Variants in GAN observed in about 807,000 individuals in gnomAD.
The protein encoded by GAN is epididymis secretory sperm binding protein.
A neutral mutation model predicts 71.3 loss-of-function variants in GAN; 48 were observed. The observed-to-expected ratio is 0.67, with a 90% CI of 0.53 to 0.86. The LOEUF (loss-of-function observed/expected upper bound fraction) is 0.86. Ranked by LOEUF, GAN falls within the 40% of genes least tolerant of loss-of-function variation. The pLI is 0.00. For missense variants in GAN, 928 were observed against 770.1 expected, an observed-to-expected ratio of 1.21 and a Z score of -2.43; for synonymous variants, 386 against 276.8, an observed-to-expected ratio of 1.39 and a Z score of -3.92.
At chr16:81,375,741 G>A (rs1424631703) in intron 9 of GAN, among the ~76,000 whole-genome samples, 1 of 152,026 alleles carries the variant, frequency 6.6e-6, no homozygotes, top group Non-Finnish European at 1.5e-5. Context: ...CAAGACAGAA[G>A]GATCACTTGA....
At chr16:81,357,772 A>G (rs1202452323) in intron 4 of GAN, 38 bp from the exon 5 acceptor site, 1 of 1,592,056 alleles carries the variant, frequency 6.3e-7, no homozygotes, top group East Asian at 2.2e-5. Flanking sequence ...GAACTGTATG[A>G]AGCACATTAA....
intron 1 of GAN, among the ~76,000 whole-genome samples, chr16:81,340,941 A>C (rs536305732): frequency 6.6e-6 from 1 of 152,058 alleles, no homozygotes; most frequent in East Asian, 1.9e-4. Flanking sequence ...TGTAGAGAAG[A>C]CCTTAAATGA....
chr16:81,351,848 G>T, intron 2 of GAN, 151 bp downstream of exon 2: 1 of 698,664 alleles, frequency 1.4e-6, no homozygotes, highest in Non-Finnish European at 2.6e-6. Context: ...ACTGGTAATG[G>T]CACCCCATGT....
In GAN at chr16:81,381,586, G is replaced by T. The variant is rs1904305323; in HGVS notation, c.*3990G>T. The T allele has an allele frequency of 1.3e-5, 2 of 152,274 alleles. No individual in the cohort carries two copies. The highest frequency in any genetic ancestry group is 4.1e-4 in the South Asian group (2 of 4,824). The allele number at this position is 152,274 out of a possible 1,614,324, so 9.4% of individuals were successfully genotyped here. ...ACACATGTCTGATGAGCACCCACTAGGAACTGTGCTTGCCATCCTGGGAGC... is the reference window on the plus strand; with the variant it reads ...ACACATGTCTGATGAGCACCCACTATGAACTGTGCTTGCCATCCTGGGAGC... On this transcript the variant is annotated 3_prime_UTR_variant, in exon 11 of 11. Transcript: ENST00000648994.
chr16:81,360,133 G>C (rs1168542942), intron 5 of GAN, among the ~76,000 whole-genome samples: 1 of 152,180 alleles, frequency 6.6e-6, no homozygotes. Flanking sequence ...TAGGTAGATA[G>C]TGTTCATTTA....
chr16:81,348,528 C>G (rs1910195825), intron 1 of GAN, among the ~76,000 whole-genome samples: 1 of 152,172 alleles, frequency 6.6e-6, no homozygotes, highest in African/African-American at 2.4e-5. Context: ...AAACATGTTG[C>G]AAGTATGTGA....
chr16:81,332,980 C>T (rs1246338421), intron 1 of GAN, among the ~76,000 whole-genome samples: 1 of 152,080 alleles, frequency 6.6e-6, no homozygotes, highest in Non-Finnish European at 1.5e-5. Flanking sequence ...TGGCTCATGC[C>T]TGTAATCCCA....
intron 5 of GAN, among the ~76,000 whole-genome samples, chr16:81,359,745 G>A (rs1359067092): frequency 6.6e-6 from 1 of 151,816 alleles, no homozygotes; most frequent in Admixed American, 6.6e-5. Flanking sequence ...GCTGAACCCT[G>A]TACATACTGT....
At chr16:81,358,962 T>G (rs1222939288) in intron 5 of GAN, among the ~76,000 whole-genome samples, 1 of 152,242 alleles carries the variant, frequency 6.6e-6, no homozygotes, top group African/African-American at 2.4e-5. Flanking sequence ...ATTTTATTTT[T>G]CTTTTTAGAG....
intron 1 of GAN, among the ~76,000 whole-genome samples, chr16:81,349,651 AAAAT>A (rs2150682773): frequency 6.6e-6 from 1 of 152,338 alleles, no homozygotes; most frequent in Non-Finnish European, 1.5e-5. Context: ...CTCAAAAACA[AAAAT>A]AAAAGAAATT....
chr16:81,369,038 T>C (rs758758795), intron 9 of GAN, among the ~76,000 whole-genome samples: 5 of 152,240 alleles, frequency 3.3e-5, no homozygotes, highest in Admixed American at 6.5e-5. Context: ...GCTCACTTTT[T>C]AAATCCTCTT....
chr16:81,363,615 G>A (rs1272997861), intron 6 of GAN, among the ~76,000 whole-genome samples, 179 bp from the exon 7 acceptor site: 1 of 151,352 alleles, frequency 6.6e-6, no homozygotes, highest in Non-Finnish European at 1.5e-5. Flanking sequence ...GGTACCAAGC[G>A]TCGTACCCAA....
chr16:81,339,940 A>G (rs16955083), intron 1 of GAN, among the ~76,000 whole-genome samples: 3,230 of 152,288 alleles, frequency 0.021, 55 homozygotes, highest in East Asian at 0.082. Context: ...GGAGACTTCA[A>G]GTGTACAGCA....
At chr16:81,371,383 A>G (rs1911031889) in intron 9 of GAN, among the ~76,000 whole-genome samples, 1 of 152,096 alleles carries the variant, frequency 6.6e-6, no homozygotes, top group South Asian at 2.1e-4. Flanking sequence ...GGAGTTCTGG[A>G]CTGAATCCTG....
intron 1 of GAN, among the ~76,000 whole-genome samples, chr16:81,325,004 G>C (rs1476872400): frequency 2.0e-5 from 3 of 152,174 alleles, no homozygotes; most frequent in Non-Finnish European, 2.9e-5. Context: ...ATGAGGAAAA[G>C]GGCAGACCAG....
intron 5 of GAN, among the ~76,000 whole-genome samples, chr16:81,359,472 T>C (rs1051408178): frequency 6.6e-6 from 1 of 152,060 alleles, no homozygotes; most frequent in Non-Finnish European, 1.5e-5. Flanking sequence ...CAATTTTTCT[T>C]CTCTACCAGT....
intron 9 of GAN, among the ~76,000 whole-genome samples, chr16:81,366,767 T>A (rs766296909): frequency 2.5e-4 from 38 of 152,194 alleles, no homozygotes; most frequent in Admixed American, 2.1e-3. Flanking sequence ...TTCTCTACAT[T>A]TTTCCTTCCT....
chr16:81,361,814 C>T (rs1029043441), intron 5 of GAN, among the ~76,000 whole-genome samples: 13 of 152,160 alleles, frequency 8.5e-5, no homozygotes, highest in African/African-American at 2.9e-4. Context: ...CCCATTTCAG[C>T]CTCCTGAGTA....
chr16:81,320,154 A>G (rs1012555531), intron 1 of GAN, among the ~76,000 whole-genome samples: 2 of 152,196 alleles, frequency 1.3e-5, no homozygotes, highest in African/African-American at 4.8e-5. Context: ...CCATTTAAAT[A>G]TAAAGTTTGA....
Sources: gnomAD v4.1 joint callset for allele counts (sites outside exome capture counted in the v4.1 genomes callset) on GRCh38, gnomAD v4.1.1 for gene constraint, MANE v1.5 for transcripts, NCBI Gene and HGNC (gene_info 2026-07-23, HGNC 2026-07-21) for gene names.